The following PTPRD variants were observed in gnomAD, a reference collection of about 807,000 sequenced individuals.
PTPRD encodes protein tyrosine phosphatase receptor type D, also known as receptor-type tyrosine-protein phosphatase delta.
A neutral mutation model predicts 214.5 loss-of-function variants in PTPRD; 34 were observed. The ratio of observed to expected loss-of-function variants is 0.16; its 90% CI spans 0.12 to 0.21. The LOEUF is 0.21. PTPRD is among the 10% of genes least tolerant of loss of function. PTPRD has a pLI of 1.00. For synonymous variants in PTPRD, 1,128 were observed against 845.7 expected (o/e 1.33, Z -5.79); for missense variants, 2,545 against 2,398.7 (o/e 1.06, Z -1.27).
At chr9:9,637,713 G>A (rs2095816400) in intron 7 of PTPRD, among the ~76,000 whole-genome samples, 2 of 152,104 alleles carry the variant, frequency 1.3e-5, no homozygotes, top group African/African-American at 2.4e-5. Context: ...CTTTGGAATG[G>A]CCCTGCTCCC....
intron 11 of PTPRD, among the ~76,000 whole-genome samples, chr9:8,939,295 A>C (rs2099016688): frequency 6.6e-6 from 1 of 152,168 alleles, no homozygotes; most frequent in Non-Finnish European, 1.5e-5. Context: ...GCTTGCAAGG[A>C]AGAAAATACC....
chr9:10,149,769 C>T (rs1396687511), intron 3 of PTPRD, among the ~76,000 whole-genome samples: 2 of 147,990 alleles, frequency 1.4e-5, no homozygotes, highest in Non-Finnish European at 1.5e-5. Context: ...CTTGCTCTGT[C>T]GTCCAGGCTG....
chr9:10,050,559 CAAAAAAA>C (rs1164243746), intron 3 of PTPRD, among the ~76,000 whole-genome samples: 64 of 13,972 alleles, frequency 4.6e-3, no homozygotes, highest in Admixed American at 8.6e-3. Context: ...GAGTCTGTCT[CAAAAAAA>C]AAAAAAAAAA....
chr9:8,389,462 C>G, intron 36 of PTPRD, 55 bp from the exon 37 acceptor site: 1 of 1,402,664 alleles, frequency 7.1e-7, no homozygotes, highest in African/African-American at 1.4e-5. Context: ...GAGGAAACAG[C>G]CTGGGACATG....
At chr9:9,233,634 T>C (rs1249734106) in intron 9 of PTPRD, among the ~76,000 whole-genome samples, 1 of 152,228 alleles carries the variant, frequency 6.6e-6, no homozygotes, top group Admixed American at 6.5e-5. Context: ...AGTTACTTCC[T>C]ATATACAATT....
At chr9:8,679,087 G>T (rs1212537438) in intron 12 of PTPRD, among the ~76,000 whole-genome samples, 1 of 152,124 alleles carries the variant, frequency 6.6e-6, no homozygotes, top group East Asian at 1.9e-4. Flanking sequence ...AGAAATGGAA[G>T]GTGGTAGTAC....
At chr9:8,721,905 C>T (rs1005639878) in intron 12 of PTPRD, among the ~76,000 whole-genome samples, 2 of 152,204 alleles carry the variant, frequency 1.3e-5, no homozygotes, top group African/African-American at 2.4e-5. Context: ...CTAACCTCTG[C>T]TCCAACCTTC....
intron 2 of PTPRD, among the ~76,000 whole-genome samples, chr9:10,569,215 A>T (rs2066647021): frequency 6.6e-6 from 1 of 152,158 alleles, no homozygotes; most frequent in African/African-American, 2.4e-5. Context: ...TCAAAACCAC[A>T]GTGAGATACC....
chr9:9,433,945 G>A (rs999461381), intron 8 of PTPRD, among the ~76,000 whole-genome samples: 5 of 152,068 alleles, frequency 3.3e-5, no homozygotes, highest in South Asian at 2.1e-4. Context: ...AAAACGCAGC[G>A]CAGTTTTCTT....
chr9:9,352,111 T>C (rs2138264050), intron 9 of PTPRD, among the ~76,000 whole-genome samples: 1 of 151,988 alleles, frequency 6.6e-6, no homozygotes, highest in African/African-American at 2.4e-5. Flanking sequence ...CACCTGGCCC[T>C]TGCATTTTTT....
At chr9:8,800,226 T>A (rs1052991138) in intron 11 of PTPRD, among the ~76,000 whole-genome samples, 23 of 151,970 alleles carry the variant, frequency 1.5e-4, no homozygotes, top group Admixed American at 2.0e-4. Flanking sequence ...TTTTTTTGGC[T>A]TTTTTTAAGG....
At chr9:9,821,061 T>G (rs1487602166) in intron 5 of PTPRD, among the ~76,000 whole-genome samples, 2 of 152,196 alleles carry the variant, frequency 1.3e-5, no homozygotes, top group Non-Finnish European at 2.9e-5. Flanking sequence ...GTATATTGCT[T>G]CGGGCAGTAT....
At chr9:9,546,815 T>C (rs2078911128) in intron 8 of PTPRD, among the ~76,000 whole-genome samples, 1 of 151,750 alleles carries the variant, frequency 6.6e-6, no homozygotes, top group Non-Finnish European at 1.5e-5. Flanking sequence ...AGTCATATAA[T>C]TTATGATCTT....
At chr9:8,539,783 A>T (rs1254864845) in intron 14 of PTPRD, among the ~76,000 whole-genome samples, 1 of 152,082 alleles carries the variant, frequency 6.6e-6, no homozygotes, top group African/African-American at 2.4e-5. Flanking sequence ...AGAAATGTCA[A>T]AGAAAGACTG....
intron 9 of PTPRD, among the ~76,000 whole-genome samples, chr9:9,328,595 A>AT (rs1264410361): frequency 1.5e-5 from 1 of 68,930 alleles, no homozygotes; most frequent in Non-Finnish European, 3.3e-5. Context: ...TTTTGATCAC[A>AT]TTTTCTTTTG....
chr9:8,375,101 C>T (rs2082821237), intron 39 of PTPRD, among the ~76,000 whole-genome samples: 1 of 151,782 alleles, frequency 6.6e-6, no homozygotes, highest in African/African-American at 2.4e-5. Flanking sequence ...ATTTGAATTT[C>T]TCAGGTTATA....
chr9:9,371,411 T>C (rs369461485), intron 9 of PTPRD, among the ~76,000 whole-genome samples: 5 of 152,338 alleles, frequency 3.3e-5, no homozygotes, highest in Non-Finnish European at 7.3e-5. Context: ...GAGGTGTTTA[T>C]AGTATTCTCT....
At chr9:8,921,538 G>T (rs563136137) in intron 11 of PTPRD, among the ~76,000 whole-genome samples, 7 of 151,952 alleles carry the variant, frequency 4.6e-5, no homozygotes, top group African/African-American at 1.7e-4. Context: ...CTGTCGCCCA[G>T]GCTGGAGTGC....
Position 8,486,055 on chromosome 9 carries a change from A to C in PTPRD, c.2762T>G (p.Phe921Cys). The change falls in exon 28 of 46, where the codon TTC becomes TGC. Residue 921 changes from phenylalanine to cysteine, a missense_variant. Phe to Cys is a radical substitution (Grantham distance 205). Transcript: ENST00000381196. ...ISIPEEVPTG[F>C]PQNLHSEGTT... is the part of the protein sequence containing the mutation. ...GCCTTCTGAGTGAAGGTTTTGAGGGAATCCAGTTGGTACTTCTTCTGGAAT... is the reference window on the plus strand; with the variant it reads ...GCCTTCTGAGTGAAGGTTTTGAGGGCATCCAGTTGGTACTTCTTCTGGAAT... 2 of 1,614,098 alleles carry C rather than the reference A, an allele frequency of 1.2e-6. No homozygotes were observed. The highest frequency in any genetic ancestry group is 1.3e-5 in the African/African-American group (1 of 75,016).
Sources: gnomAD v4.1 joint callset for allele counts (sites outside exome capture counted in the v4.1 genomes callset) on GRCh38, gnomAD v4.1.1 for gene constraint, MANE v1.5 for transcripts, NCBI Gene and HGNC (gene_info 2026-07-23, HGNC 2026-07-21) for gene names.